Variants in ADAMTS17 observed in about 807,000 individuals in gnomAD.
ADAMTS17 encodes A disintegrin and metalloproteinase with thrombospondin motifs 17.
A neutral mutation model predicts 141.5 loss-of-function variants in ADAMTS17; 113 were observed. The ratio of observed to expected loss-of-function variants is 0.80; its 90% CI spans 0.69 to 0.93. ADAMTS17 has a LOEUF of 0.93. Ranked by LOEUF, ADAMTS17 falls within the 40% of genes least tolerant of loss-of-function variation. The pLI, the probability that ADAMTS17 is intolerant of heterozygous loss-of-function variation, is 0.00. For synonymous variants in ADAMTS17, 768 were observed against 630.6 expected (o/e 1.22, Z -3.27); for missense variants, 1,659 against 1,517.9 (o/e 1.09, Z -1.54).
intron 7 of ADAMTS17, among the ~76,000 whole-genome samples, chr15:100,233,762 T>A (rs2042565136): frequency 6.6e-6 from 1 of 151,946 alleles, no homozygotes; most frequent in Non-Finnish European, 1.5e-5. Context: ...TATGGAGATG[T>A]CAGGGGGAGA....
At chr15:100,030,118 CA>C (rs2141481885) in intron 18 of ADAMTS17, among the ~76,000 whole-genome samples, 1 of 152,290 alleles carries the variant, frequency 6.6e-6, no homozygotes, top group African/African-American at 2.4e-5. Context: ...ACTCACTGGG[CA>C]GGTGCAGCTG....
chr15:99,988,117 C>G (rs546902518), intron 20 of ADAMTS17, among the ~76,000 whole-genome samples: 1 of 152,118 alleles, frequency 6.6e-6, no homozygotes, highest in African/African-American at 2.4e-5. Flanking sequence ...GGGATGCCAT[C>G]TGATGCCAGC....
intron 15 of ADAMTS17, among the ~76,000 whole-genome samples, chr15:100,066,616 T>C (rs2033550472): frequency 1.3e-5 from 2 of 152,208 alleles, no homozygotes; most frequent in South Asian, 4.1e-4. Flanking sequence ...AATGGTGTTC[T>C]TGGGCATTTG....
At chr15:100,261,728 G>C (rs1736125160) in intron 5 of ADAMTS17, 92 bp from the exon 6 acceptor site, 11 of 1,397,988 alleles carry the variant, frequency 7.9e-6, no homozygotes, top group Non-Finnish European at 9.9e-6. Context: ...GGTGGAGGCA[G>C]TCACTCACTG....
chr15:100,118,758 C>T (rs1052191364), intron 12 of ADAMTS17, among the ~76,000 whole-genome samples: 4 of 152,162 alleles, frequency 2.6e-5, no homozygotes, highest in Non-Finnish European at 5.9e-5. Flanking sequence ...CCACATGGAT[C>T]AGTAGGAGAA....
At chr15:100,240,733 C>T (rs536875181) in intron 7 of ADAMTS17, among the ~76,000 whole-genome samples, 10 of 152,330 alleles carry the variant, frequency 6.6e-5, no homozygotes, top group East Asian at 5.8e-4. Flanking sequence ...TGTCAAGACG[C>T]GGTATAAGGC....
chr15:100,083,978 AGTGCTGGACAGTGG>A (rs1262902387), intron 15 of ADAMTS17, among the ~76,000 whole-genome samples: 4 of 151,822 alleles, frequency 2.6e-5, no homozygotes. Flanking sequence ...CTCACTGGGG[AGTGCTGGACAGTGG>A]GTGCAGGACA....
At chr15:100,251,669 C>G (rs1259885664) in intron 7 of ADAMTS17, among the ~76,000 whole-genome samples, 3 of 152,208 alleles carry the variant, frequency 2.0e-5, no homozygotes, top group Non-Finnish European at 2.9e-5. Context: ...ACCCGGGAGG[C>G]AGAGGTTGCA....
intron 18 of ADAMTS17, among the ~76,000 whole-genome samples, chr15:100,010,557 C>T (rs1018408563): frequency 1.3e-5 from 2 of 152,236 alleles, no homozygotes; most frequent in African/African-American, 2.4e-5. Context: ...AGCCAAGAGG[C>T]CATGCTCCCA....
intron 7 of ADAMTS17, among the ~76,000 whole-genome samples, chr15:100,239,209 C>T (rs1174205347): frequency 2.0e-5 from 3 of 152,254 alleles, no homozygotes; most frequent in East Asian, 3.8e-4. Flanking sequence ...CTCTGCACCT[C>T]GGTTTTCCCA....
At chr15:99,974,680 C>G in intron 21 of ADAMTS17, 118 bp from the exon 22 acceptor site, 5 of 1,322,342 alleles carry the variant, frequency 3.8e-6, no homozygotes, top group Non-Finnish European at 5.4e-6. Flanking sequence ...GTGCACACGT[C>G]AACCCTTTGC....
chr15:100,073,062 A>G (rs544810508), intron 15 of ADAMTS17, among the ~76,000 whole-genome samples: 1 of 152,322 alleles, frequency 6.6e-6, no homozygotes, highest in Admixed American at 6.5e-5. Flanking sequence ...ACTCAAATCT[A>G]CAAGAAAAAA....
At chr15:100,232,412 GGA>G (rs1002818071) in intron 7 of ADAMTS17, among the ~76,000 whole-genome samples, 2 of 152,218 alleles carry the variant, frequency 1.3e-5, no homozygotes, top group Non-Finnish European at 2.9e-5. Context: ...AAAGCCTGAT[GGA>G]GATGAAAATA....
At chr15:100,245,295 AAGGACACTCTTAC>A (rs201081138) in intron 7 of ADAMTS17, among the ~76,000 whole-genome samples, 1,907 of 152,316 alleles carry the variant, frequency 0.013, 21 homozygotes, top group Non-Finnish European at 0.014. Context: ...CACCTCAAGG[AAGGACACTCTTAC>A]AGGACACTTA....
chr15:100,259,563 A>G (rs939516413), intron 6 of ADAMTS17, among the ~76,000 whole-genome samples: 1 of 152,240 alleles, frequency 6.6e-6, no homozygotes, highest in Admixed American at 6.5e-5. Flanking sequence ...GCCTGCTACT[A>G]CATCAGCCAT....
rs779092943 is a variant in ADAMTS17, at chr15:100,330,927, TCAG to T, written c.575_577del (p.Ala192del). 77 of 1,614,040 alleles carry T rather than the reference TCAG, an allele frequency of 4.8e-5. No homozygotes were observed. Among genetic ancestry groups the T allele is most frequent in the African/African-American group, 1.9e-4 (14 of 74,906 alleles). ...GCAGAGCTGCTCAGGTCTCTGGGCC[TCAG>T]CAGAAGGGCTGGGGGTCAAGGACCA... On this transcript the variant is annotated inframe_deletion, in exon 3 of 22. Coordinates refer to ENST00000268070, the MANE Select transcript of ADAMTS17 (RefSeq NM_139057.4).
chr15:100,223,755 T>C (rs891355797), intron 7 of ADAMTS17, among the ~76,000 whole-genome samples: 6 of 151,234 alleles, frequency 4.0e-5, no homozygotes, highest in South Asian at 4.2e-4. Flanking sequence ...TATATATATA[T>C]ACACACACAC....
chr15:100,188,623 C>T (rs770337270), intron 8 of ADAMTS17, among the ~76,000 whole-genome samples: 1 of 152,064 alleles, frequency 6.6e-6, no homozygotes, highest in Non-Finnish European at 1.5e-5. Flanking sequence ...AAAAATGTAC[C>T]AGGTTTTATA....
intron 15 of ADAMTS17, among the ~76,000 whole-genome samples, chr15:100,060,984 C>T (rs2033075479): frequency 6.6e-6 from 1 of 152,186 alleles, no homozygotes. Flanking sequence ...ATCCATCAGC[C>T]AGGCCCTGGA....
Sources: gnomAD v4.1 joint callset for allele counts (sites outside exome capture counted in the v4.1 genomes callset) on GRCh38, gnomAD v4.1.1 for gene constraint, MANE v1.5 for transcripts, NCBI Gene and HGNC (gene_info 2026-07-23, HGNC 2026-07-21) for gene names.